The following TENM1 variants were observed in gnomAD, a reference collection of about 807,000 sequenced individuals.
The protein encoded by TENM1 is teneurin transmembrane protein 1, also known as teneurin-1.
TENM1 carries 35 observed loss-of-function variants against 174.8 expected under a neutral mutation model. The ratio of observed to expected loss-of-function variants is 0.20; its 90% CI spans 0.15 to 0.27. TENM1 has a LOEUF of 0.27. Among genes scored for constraint, TENM1 ranks in the 10% least tolerant of loss-of-function variants. The pLI, the probability that TENM1 is intolerant of heterozygous loss-of-function variation, is 1.00. For synonymous variants in TENM1, 781 were observed against 798.7 expected (o/e 0.98, Z 0.37); for missense variants, 1,633 against 2,130.1 (o/e 0.77, Z 4.59).
At chrX:125,123,654 TAACTC>T in the TENM1 span, among the ~76,000 whole-genome samples, 2 of 111,258 alleles carry the variant, frequency 1.8e-5, no homozygotes, top group African/African-American at 6.5e-5. Flanking sequence ...GCAAATAACT[TAACTC>T]TACTTTTGCC....
At chrX:125,111,887 T>G in the TENM1 span, among the ~76,000 whole-genome samples, 1 of 111,744 alleles carries the variant, frequency 8.9e-6, no homozygotes, top group Non-Finnish European at 1.9e-5. Flanking sequence ...GACAAAATTA[T>G]TTTATGATTT....
chrX:124,454,226 C>G (rs1406326804), intron 22 of TENM1, among the ~76,000 whole-genome samples: 3 of 111,318 alleles, frequency 2.7e-5, no homozygotes, highest in Non-Finnish European at 3.8e-5. Context: ...TTGAGTCATT[C>G]ATTTGCAAAT....
intron 14 of TENM1, among the ~76,000 whole-genome samples, chrX:124,558,541 T>A (rs990304336): frequency 2.7e-5 from 3 of 111,610 alleles, no homozygotes; most frequent in Non-Finnish European, 5.7e-5. Flanking sequence ...ATATTAATAT[T>A]AAGCAAATAT....
chrX:125,024,775 C>A, the TENM1 span, among the ~76,000 whole-genome samples: 1 of 111,720 alleles, frequency 9.0e-6, no homozygotes, highest in African/African-American at 3.3e-5. Flanking sequence ...ATAAGATATG[C>A]TTAGAATAAT....
At position 124,651,121 on chromosome X, in the gene TENM1, CAT is replaced by C. The variant is rs763698163; in HGVS notation, c.1579+791_1579+792del. 1.2e-4 allele frequency among the ~76,000 whole-genome samples: 13 copies of C among 111,805 alleles called. 1 individual carries two copies. The East Asian group carries it at 2.2e-3, about 19-fold the overall frequency. On this transcript the variant is annotated intron_variant, in intron 8 of 31. Coordinates refer to ENST00000422452, the Ensembl canonical transcript of TENM1. The stretch of plus-strand genomic sequence containing the variant: ...AAATATTTTCTTGTCTTTTAAAAGA[CAT>C]GTGTTTTAGGAAAATTCACACAATA...
intron 5 of TENM1, among the ~76,000 whole-genome samples, chrX:124,690,452 A>C (rs1273694907): frequency 9.1e-6 from 1 of 109,822 alleles, no homozygotes; most frequent in Non-Finnish European, 1.9e-5. Flanking sequence ...ACAAATAAAA[A>C]AATTTTTAGA....
exon 30 of TENM1, chrX:124,384,515 C>A (rs745618545): frequency 8.3e-7 from 1 of 1,210,324 alleles, no homozygotes; most frequent in Non-Finnish European, 1.1e-6. Flanking sequence ...TATTACCATG[C>A]GGCCCACATT....
intron 19 of TENM1, among the ~76,000 whole-genome samples, chrX:124,498,157 T>C (rs1404632279): frequency 9.0e-6 from 1 of 111,687 alleles, no homozygotes; most frequent in African/African-American, 3.2e-5. Context: ...ATTACCTAAA[T>C]TGGAAATCTG....
At chrX:124,935,526 C>T (rs2058232516) in intron 1 of TENM1, among the ~76,000 whole-genome samples, 1 of 112,210 alleles carries the variant, frequency 8.9e-6, no homozygotes, top group Non-Finnish European at 1.9e-5. Flanking sequence ...TTTTCAGTCT[C>T]CTTATTTGAT....
chrX:124,470,903 T>C (rs753843840), intron 22 of TENM1, among the ~76,000 whole-genome samples: 5 of 108,888 alleles, frequency 4.6e-5, no homozygotes, highest in Admixed American at 2.1e-4. Flanking sequence ...ATAACATACA[T>C]GTATTTTTAA....
At chrX:125,061,105 T>C in the TENM1 span, among the ~76,000 whole-genome samples, 1 of 110,969 alleles carries the variant, frequency 9.0e-6, no homozygotes, top group East Asian at 2.8e-4. Flanking sequence ...CCGATTTGAA[T>C]AGAAGATGTT....
At chrX:125,141,997 C>G in the TENM1 span, among the ~76,000 whole-genome samples, 1 of 111,479 alleles carries the variant, frequency 9.0e-6, no homozygotes, top group African/African-American at 3.3e-5. Flanking sequence ...ATTTCCACCT[C>G]CCAGGATTGT....
chrX:124,526,135 C>T (rs2283764), intron 16 of TENM1, among the ~76,000 whole-genome samples: 26,832 of 110,458 alleles, frequency 0.24, 3,503 homozygotes, highest in African/African-American at 0.51. Flanking sequence ...GGAGGTCTTT[C>T]GGAGATGTGG....
chrX:124,423,473 T>A (rs959818933), intron 23 of TENM1, among the ~76,000 whole-genome samples: 1 of 111,546 alleles, frequency 9.0e-6, no homozygotes, highest in Non-Finnish European at 1.9e-5. Context: ...TGTGGTATAG[T>A]AGAGCCCTCA....
rs141861406 is a variant in TENM1 at position 124,891,073 on chromosome X, G to A, written c.535+3223C>T. ...GAAAGACAAACGTCATCTTCTTACTGATTTGTGGGAACTAAAAATCAAAAC... is the reference window on the plus strand; with the variant it reads ...GAAAGACAAACGTCATCTTCTTACTAATTTGTGGGAACTAAAAATCAAAAC... On this transcript the variant is annotated intron_variant, in intron 3 of 31. Transcript: ENST00000422452. Among the ~76,000 whole-genome samples the A allele has an allele frequency of 4.3e-3, 476 of 111,410 alleles. 3 individuals are homozygous for A. Among genetic ancestry groups the A allele is most frequent in the African/African-American group, 0.015 (461 of 30,632 alleles).
At chrX:124,957,354 C>T (rs773442306) in intron 1 of TENM1, among the ~76,000 whole-genome samples, 1 of 110,485 alleles carries the variant, frequency 9.1e-6, no homozygotes, top group Non-Finnish European at 1.9e-5. Context: ...GAGCCTGAGT[C>T]GGGCAGATCA....
At chrX:124,598,676 G>C (rs1326372941) in intron 11 of TENM1, among the ~76,000 whole-genome samples, 1 of 111,338 alleles carries the variant, frequency 9.0e-6, no homozygotes, top group Non-Finnish European at 1.9e-5. Flanking sequence ...TTATTTGTAG[G>C]AACTAAAAAT....
chrX:124,719,813 T>C (rs1261632437), intron 4 of TENM1, among the ~76,000 whole-genome samples: 2 of 112,385 alleles, frequency 1.8e-5, no homozygotes, highest in Admixed American at 1.9e-4. Flanking sequence ...AACCTGGACT[T>C]ATTTTTTCTA....
chrX:124,655,907 T>C (rs1297836728), intron 6 of TENM1, among the ~76,000 whole-genome samples: 1 of 111,962 alleles, frequency 8.9e-6, no homozygotes, highest in Non-Finnish European at 1.9e-5. Flanking sequence ...AAAGGGCTGA[T>C]TATACATTTA....
Sources: gnomAD v4.1 joint callset for allele counts (sites outside exome capture counted in the v4.1 genomes callset) on GRCh38, gnomAD v4.1.1 for gene constraint, MANE v1.5 for transcripts, NCBI Gene and HGNC (gene_info 2026-07-23, HGNC 2026-07-21) for gene names.